TTC27: variants seen among roughly 807,000 people sequenced by gnomAD.
TTC27 encodes tetratricopeptide repeat domain 27.
Under a neutral mutation model 115.9 loss-of-function variants are expected in TTC27, and 79 were observed. The observed-to-expected ratio is 0.68, with a 90% CI of 0.57 to 0.82. The LOEUF is 0.82. TTC27 is among the 40% of genes least tolerant of loss of function. The probability of loss-of-function intolerance (pLI) is 0.00; values close to 1 mark genes in which losing one functional copy is unlikely to be tolerated. For synonymous variants in TTC27, 401 were observed against 356.0 expected, an observed-to-expected ratio of 1.13 and a Z score of -1.42; for missense variants, 1,054 against 993.1, an observed-to-expected ratio of 1.06 and a Z score of -0.82.
At chr2:32,658,221 C>T (rs374768958) in intron 5 of TTC27, among the ~76,000 whole-genome samples, 2 of 152,154 alleles carry the variant, frequency 1.3e-5, no homozygotes, top group South Asian at 4.1e-4. Context: ...CTCCTGTGCT[C>T]AAGAGATCCT....
chr2:32,797,194 GAC>G (rs1452475922), intron 16 of TTC27, among the ~76,000 whole-genome samples: 3 of 146,064 alleles, frequency 2.1e-5, no homozygotes, highest in Admixed American at 1.4e-4. Context: ...AAAAAAAAGA[GAC>G]AGTGTCTCAC....
chr2:32,657,104 A>C (rs1229471394), intron 5 of TTC27, among the ~76,000 whole-genome samples: 1 of 149,650 alleles, frequency 6.7e-6, no homozygotes, highest in East Asian at 2.0e-4. Flanking sequence ...TCCTGCTTCA[A>C]CCTCCTGAGA....
intron 14 of TTC27, among the ~76,000 whole-genome samples, chr2:32,779,723 A>T (rs1316482720): frequency 2.0e-5 from 3 of 152,138 alleles, no homozygotes; most frequent in African/African-American, 4.8e-5. Flanking sequence ...CCATTGCCAA[A>T]TCCAAAGTCA....
chr2:32,787,157 A>G lies in TTC27; in HGVS notation c.1998+8A>G, dbSNP rs1369582601. On this transcript the variant is annotated splice_region_variant and intron_variant, in intron 16 of 19. Coordinates refer to ENST00000317907, the MANE Select transcript of TTC27 (RefSeq NM_017735.5). ...AAATACAAAGATGTTCAGGTAGGAT[A>G]TTCCTATTCCGTTATTTCAGTTTGT... 1.9e-6 allele frequency: 3 copies of G among 1,602,890 alleles called. No individual in the cohort carries two copies. The highest frequency in any genetic ancestry group is 2.6e-6 in the Non-Finnish European group (3 of 1,176,166).
chr2:32,774,268 A>G (rs1388943440), intron 13 of TTC27, among the ~76,000 whole-genome samples: 2 of 147,290 alleles, frequency 1.4e-5, no homozygotes, highest in Non-Finnish European at 3.0e-5. Context: ...TGCAACCTCC[A>G]CCTCCCGGTT....
chr2:32,786,849 G>A, intron 15 of TTC27, 135 bp from the exon 16 acceptor site: 1 of 753,372 alleles, frequency 1.3e-6, no homozygotes, highest in Non-Finnish European at 2.0e-6. Context: ...GTGTTGTCTG[G>A]GTCTCTAATT....
At chr2:32,641,525 T>C (rs1664647775) in intron 4 of TTC27, among the ~76,000 whole-genome samples, 1 of 152,262 alleles carries the variant, frequency 6.6e-6, no homozygotes, top group Non-Finnish European at 1.5e-5. Flanking sequence ...AGTAGTGGGC[T>C]GGATTTGCGC....
At chr2:32,798,479 G>A (rs373584390) in intron 16 of TTC27, among the ~76,000 whole-genome samples, 6 of 146,030 alleles carry the variant, frequency 4.1e-5, no homozygotes, top group East Asian at 4.2e-4. Flanking sequence ...CGAGGCGGGC[G>A]GATCACGAGG....
intron 4 of TTC27, among the ~76,000 whole-genome samples, chr2:32,649,624 A>G (rs898313744): frequency 1.3e-5 from 2 of 150,890 alleles, no homozygotes; most frequent in African/African-American, 4.9e-5. Context: ...GGCTCACTGC[A>G]ACCTCTGCCT....
chr2:32,773,591 C>T (rs1366206310), intron 13 of TTC27, among the ~76,000 whole-genome samples: 1 of 152,198 alleles, frequency 6.6e-6, no homozygotes, highest in Non-Finnish European at 1.5e-5. Context: ...TCGAACCTCT[C>T]CTCTGTCTGT....
At position 32,733,879 on chromosome 2, in the gene TTC27, A is replaced by G. The variant is rs1668372547; in HGVS notation, c.1285A>G (p.Lys429Glu). 1 of 1,612,408 alleles carries G rather than the reference A, an allele frequency of 6.2e-7. No homozygotes were observed. Among genetic ancestry groups the G allele is most frequent in the African/African-American group, 1.3e-5 (1 of 74,900 alleles). Residue 429 changes from lysine (K) to glutamate (E), a missense_variant, in exon 11 of 20, where the codon AAG becomes GAG. Coordinates refer to ENST00000317907, the MANE Select transcript of TTC27 (RefSeq NM_017735.5). ...DKTTSVLERL[K>E]IFYCCQVPPH... is the part of the protein sequence containing the mutation. ...AACTACATCTGTATTGGAACGCCTG[A>G]AGATTTTCTATTGCTGTCAAGTACC...
At chr2:32,780,082 C>T (rs768188465) in intron 14 of TTC27, 1 of 466,198 alleles carries the variant, frequency 2.1e-6, no homozygotes, top group South Asian at 1.6e-5. Context: ...GTCTTGTTTA[C>T]AGAAACTTTG....
intron 10 of TTC27, among the ~76,000 whole-genome samples, chr2:32,721,081 C>G (rs1169726665): frequency 1.3e-5 from 2 of 152,096 alleles, no homozygotes; most frequent in Non-Finnish European, 2.9e-5. Flanking sequence ...TTTGGTTTGC[C>G]TAATGAGTGG....
At chr2:32,802,548 G>GATAAAAC (rs1670987628) in intron 16 of TTC27, among the ~76,000 whole-genome samples, 1 of 152,018 alleles carries the variant, frequency 6.6e-6, no homozygotes, top group African/African-American at 2.4e-5. Context: ...ATCTCCCCTA[G>GATAAAAC]TCCACTTAGA....
intron 9 of TTC27, among the ~76,000 whole-genome samples, chr2:32,685,528 G>A (rs56128458): frequency 1.4e-3 from 217 of 152,134 alleles, no homozygotes; most frequent in African/African-American, 5.0e-3. Flanking sequence ...TGTATAAAAA[G>A]GATAATATAT....
chr2:32,722,455 C>T (rs1351455938), intron 10 of TTC27, among the ~76,000 whole-genome samples: 3 of 152,188 alleles, frequency 2.0e-5, no homozygotes, highest in African/African-American at 7.2e-5. Context: ...ACTGAACACT[C>T]ATATGCCAGG....
chr2:32,682,972 G>C (rs533489408), intron 9 of TTC27, among the ~76,000 whole-genome samples: 11 of 146,396 alleles, frequency 7.5e-5, no homozygotes, highest in Admixed American at 4.3e-4. Flanking sequence ...TCCTGCCTCA[G>C]CCTCCTGAGT....
chr2:32,692,036 G>GTTTTTTTTTTTGTTTTTTTTTTTTTT (rs1666831349), intron 9 of TTC27, among the ~76,000 whole-genome samples: 13 of 61,184 alleles, frequency 2.1e-4, no homozygotes, highest in Non-Finnish European at 3.2e-4. Context: ...AATTTTTTAG[G>GTTTTTTTTTTTGTTTTTTTTTTTTTT]TTTTTTTTTT....
chr2:32,710,103 T>A (rs1667524432), intron 10 of TTC27, among the ~76,000 whole-genome samples: 1 of 152,056 alleles, frequency 6.6e-6, no homozygotes, highest in Admixed American at 6.6e-5. Context: ...GAAACCTCTG[T>A]GTCTTGAGTT....
Sources: allele counts gnomAD v4.1 joint callset (sites outside exome capture counted in the v4.1 genomes callset), GRCh38; gene constraint gnomAD v4.1.1; transcripts MANE v1.5; gene names NCBI Gene and HGNC (gene_info 2026-07-23, HGNC 2026-07-21).